Variants in STXBP6 observed in about 807,000 individuals in gnomAD.
The protein encoded by STXBP6 is syntaxin binding protein 6.
Under a neutral mutation model 26.9 loss-of-function variants are expected in STXBP6, and 21 were observed. That is an observed-to-expected ratio of 0.78 (90% CI 0.55 to 1.12). STXBP6 has a LOEUF of 1.12. STXBP6 is among the 50% of genes most tolerant of loss of function. The pLI is 0.00. For missense variants in STXBP6, 232 were observed against 257.9 expected, an observed-to-expected ratio of 0.90 and a Z score of 0.69; for synonymous variants, 97 against 92.6, an observed-to-expected ratio of 1.05 and a Z score of -0.27.
intron 2 of STXBP6, among the ~76,000 whole-genome samples, chr14:24,925,930 G>T (rs1324090440): frequency 1.3e-5 from 2 of 152,126 alleles, no homozygotes; most frequent in Non-Finnish European, 2.9e-5. Context: ...GAAGTTCAGA[G>T]AATGTATTAT....
At chr14:24,901,179 C>A (rs1235713397) in intron 2 of STXBP6, among the ~76,000 whole-genome samples, 1 of 151,422 alleles carries the variant, frequency 6.6e-6, no homozygotes, top group African/African-American at 2.4e-5. Flanking sequence ...TTTTTACCTA[C>A]TAAAAGGCAG....
intron 2 of STXBP6, among the ~76,000 whole-genome samples, chr14:24,922,223 G>A (rs1173506200): frequency 6.6e-6 from 1 of 151,918 alleles, no homozygotes; most frequent in Non-Finnish European, 1.5e-5. Flanking sequence ...AAGAATTTCA[G>A]GCTTAAAGGG....
chr14:24,964,647 C>CTGTGTGTGTGTG (rs34132743), intron 2 of STXBP6, among the ~76,000 whole-genome samples: 7,689 of 140,026 alleles, frequency 0.055, 202 homozygotes, highest in Middle Eastern at 0.089. Flanking sequence ...AGTTCTCATT[C>CTGTGTGTGTGTG]TGTGTGTGTG....
intron 3 of STXBP6, 41 bp downstream of exon 3, chr14:24,856,986 T>C: frequency 6.3e-7 from 1 of 1,598,908 alleles, no homozygotes; most frequent in Non-Finnish European, 8.5e-7. Context: ...AGTCATCTTG[T>C]GAAAAGAATG....
At chr14:25,014,817 T>C (rs1365872218) in intron 1 of STXBP6, among the ~76,000 whole-genome samples, 1 of 152,254 alleles carries the variant, frequency 6.6e-6, no homozygotes, top group African/African-American at 2.4e-5. Flanking sequence ...AAAAAGCTTT[T>C]CACATAAAAA....
At chr14:24,956,436 A>C (rs917434367) in intron 2 of STXBP6, among the ~76,000 whole-genome samples, 9 of 152,246 alleles carry the variant, frequency 5.9e-5, no homozygotes, top group Non-Finnish European at 1.3e-4. Context: ...CGTTTGCATA[A>C]AAATGAATAT....
At chr14:24,994,694 C>A (rs1179967610) in intron 1 of STXBP6, among the ~76,000 whole-genome samples, 1 of 152,206 alleles carries the variant, frequency 6.6e-6, no homozygotes, top group African/African-American at 2.4e-5. Context: ...AGGTGGCTTA[C>A]TCCATTCTGG....
At chr14:24,812,864 C>T in intron 5 of STXBP6, 132 bp from the exon 6 acceptor site, 2 of 824,672 alleles carry the variant, frequency 2.4e-6, no homozygotes, top group Non-Finnish European at 2.0e-6. Flanking sequence ...TGGCAGATCA[C>T]CGTTACTAAT....
intron 1 of STXBP6, among the ~76,000 whole-genome samples, chr14:25,044,634 G>C (rs2075698242): frequency 6.6e-6 from 1 of 152,146 alleles, no homozygotes; most frequent in South Asian, 2.1e-4. Context: ...TTTTGTTTTT[G>C]GGACAGGATA....
In STXBP6 at chr14:24,895,354, C is replaced by T. The variant is rs185776573; in HGVS notation, c.155-38197G>A. On this transcript the variant is annotated intron_variant, in intron 2 of 5. Transcript: ENST00000323944. Reference sequence around the variant, plus strand: ...CCATTAAGGAAAAGAGATTTAAATGCAATGTGCTTACATTCTATCTAGAGG... The same window carrying T: ...CCATTAAGGAAAAGAGATTTAAATGTAATGTGCTTACATTCTATCTAGAGG... Among the ~76,000 whole-genome samples the T allele has an allele frequency of 2.6e-5, 4 of 152,336 alleles. No individual in the cohort carries two copies. In the East Asian group the frequency reaches 7.7e-4, roughly 29 times the overall value.
At chr14:24,899,801 CAAAA>C (rs56666133) in intron 2 of STXBP6, among the ~76,000 whole-genome samples, 13 of 108,642 alleles carry the variant, frequency 1.2e-4, no homozygotes, top group African/African-American at 4.5e-4. Flanking sequence ...AAAAAAAAAG[CAAAA>C]AAAAAAAAAA....
intron 1 of STXBP6, among the ~76,000 whole-genome samples, chr14:25,044,954 G>C (rs1403342403): frequency 2.6e-5 from 4 of 152,148 alleles, no homozygotes; most frequent in Non-Finnish European, 5.9e-5. Flanking sequence ...CCTTCGTGGA[G>C]ACTTTCTTAG....
chr14:24,828,094 A>G (rs547567205), intron 4 of STXBP6, among the ~76,000 whole-genome samples: 281 of 151,766 alleles, frequency 1.9e-3, no homozygotes, highest in South Asian at 4.0e-3. Context: ...TTAGGTGTCT[A>G]GCAATATTTT....
At chr14:24,985,275 C>T (rs2074302596) in intron 1 of STXBP6, among the ~76,000 whole-genome samples, 1 of 152,186 alleles carries the variant, frequency 6.6e-6, no homozygotes, top group African/African-American at 2.4e-5. Flanking sequence ...ATAAAGGGGA[C>T]AATGCCTATG....
chr14:24,974,084 A>G (rs2140198449), intron 2 of STXBP6, among the ~76,000 whole-genome samples: 1 of 152,158 alleles, frequency 6.6e-6, no homozygotes, highest in Middle Eastern at 3.4e-3. Context: ...ATCTCCTACA[A>G]TCACAAACAG....
At chr14:25,040,157 G>T (rs2075620525) in intron 1 of STXBP6, among the ~76,000 whole-genome samples, 2 of 152,282 alleles carry the variant, frequency 1.3e-5, no homozygotes, top group Admixed American at 1.3e-4. Context: ...CAACCTAAAT[G>T]GCTCCTGTGT....
At chr14:24,944,697 T>G (rs2072918856) in intron 2 of STXBP6, among the ~76,000 whole-genome samples, 1 of 152,168 alleles carries the variant, frequency 6.6e-6, no homozygotes, top group African/African-American at 2.4e-5. Context: ...CTATGAAGAC[T>G]TATAGCATGA....
At chr14:24,977,169 C>T (rs887054769) in intron 1 of STXBP6, among the ~76,000 whole-genome samples, 3 of 151,902 alleles carry the variant, frequency 2.0e-5, no homozygotes, top group Admixed American at 1.3e-4. Flanking sequence ...CTGTCTCACC[C>T]GGTGTTCTCG....
intron 2 of STXBP6, among the ~76,000 whole-genome samples, chr14:24,941,408 A>G (rs1566495672): frequency 6.6e-6 from 1 of 152,204 alleles, no homozygotes; most frequent in Non-Finnish European, 1.5e-5. Context: ...GATTCATTAC[A>G]TTCAGCTGGG....
Sources: gnomAD v4.1 joint callset for allele counts (sites outside exome capture counted in the v4.1 genomes callset) on GRCh38, gnomAD v4.1.1 for gene constraint, MANE v1.5 for transcripts, NCBI Gene and HGNC (gene_info 2026-07-23, HGNC 2026-07-21) for gene names.